The following TMPRSS11F variants were observed in gnomAD, a reference collection of about 807,000 sequenced individuals.
The protein encoded by TMPRSS11F is transmembrane serine protease 11F.
In TMPRSS11F, 47 loss-of-function variants were observed where a neutral mutation model predicts 60.2. The observed-to-expected ratio is 0.78, with a 90% CI of 0.62 to 1.00. The LOEUF (loss-of-function observed/expected upper bound fraction) is 1.00. Among genes scored for constraint, TMPRSS11F ranks in the 50% least tolerant of loss-of-function variants. The pLI is 0.00. For missense variants in TMPRSS11F, 519 were observed against 522.9 expected (o/e 0.99, Z 0.07); for synonymous variants, 166 against 167.3 (o/e 0.99, Z 0.06).
In TMPRSS11F at chr4:68,073,939, T is replaced by C. The variant is rs764868266; in HGVS notation, c.350+3A>G. 2 of 1,559,994 alleles carry C rather than the reference T, an allele frequency of 1.3e-6. No individual in the cohort carries two copies. The highest frequency in any genetic ancestry group is 1.2e-5 in the South Asian group (1 of 83,398). On this transcript the variant is annotated splice_donor_region_variant and intron_variant, in intron 4 of 9. Transcript: ENST00000356291. Reference sequence around the variant, plus strand: ...CTTGAAATTATAAACCAAATTTACATACCTTAATTTGATAACATGAGATTT... The same window carrying C: ...CTTGAAATTATAAACCAAATTTACACACCTTAATTTGATAACATGAGATTT...
At chr4:68,098,361 T>C (rs1380430512) in intron 2 of TMPRSS11F, among the ~76,000 whole-genome samples, 1 of 152,128 alleles carries the variant, frequency 6.6e-6, no homozygotes, top group East Asian at 1.9e-4. Flanking sequence ...TCTTAGTTGA[T>C]TGTCATTTGG....
At chr4:68,080,632 G>C (rs2109854528) in intron 3 of TMPRSS11F, 1 of 152,314 alleles carries the variant, frequency 6.6e-6, no homozygotes, top group Non-Finnish European at 1.5e-5. Context: ...CTAAGCTCCA[G>C]ATCTCCCAGA....
At chr4:68,060,915 A>G (rs1262388051) in intron 8 of TMPRSS11F, among the ~76,000 whole-genome samples, 1 of 151,984 alleles carries the variant, frequency 6.6e-6, no homozygotes, top group East Asian at 1.9e-4. Flanking sequence ...AACAAGTTCT[A>G]GTTTATAATA....
chr4:68,126,788 C>T (rs1383320912), intron 1 of TMPRSS11F, among the ~76,000 whole-genome samples: 2 of 152,170 alleles, frequency 1.3e-5, no homozygotes, highest in African/African-American at 4.8e-5. Context: ...CAATGTGTTA[C>T]ATATGTTTGA....
intron 1 of TMPRSS11F, among the ~76,000 whole-genome samples, chr4:68,117,313 G>T (rs1342152906): frequency 2.0e-5 from 3 of 151,282 alleles, no homozygotes; most frequent in African/African-American, 7.3e-5. Flanking sequence ...TAAAAATACA[G>T]AAAATTAGCT....
At chr4:68,112,704 T>C (rs537242386) in intron 1 of TMPRSS11F, among the ~76,000 whole-genome samples, 2 of 152,286 alleles carry the variant, frequency 1.3e-5, no homozygotes, top group Admixed American at 6.5e-5. Context: ...ATTTTGCTCA[T>C]TGCCGTAACT....
chr4:68,099,116 A>C, intron 1 of TMPRSS11F, 78 bp from the exon 2 acceptor site: 2 of 1,295,798 alleles, frequency 1.5e-6, no homozygotes, highest in African/African-American at 1.5e-5. Flanking sequence ...ATGTTCCTCT[A>C]TGAAAATAGT....
chr4:68,066,077 C>G (rs548961386), intron 7 of TMPRSS11F, among the ~76,000 whole-genome samples: 1 of 137,534 alleles, frequency 7.3e-6, no homozygotes, highest in East Asian at 2.3e-4. Context: ...CAAGATCACA[C>G]CATTGAACTC....
In TMPRSS11F at chr4:68,087,665, T is replaced by C. The variant is rs139715226; in HGVS notation, c.282+2858A>G. Among the ~76,000 whole-genome samples the C allele has an allele frequency of 2.5e-4, 38 of 151,988 alleles. No individual in the cohort carries two copies. In the East Asian group the frequency reaches 6.0e-3, roughly 24 times the overall value. The stretch of plus-strand genomic sequence containing the variant: ...GATAAACTTCATTAAAGTTTCAGGA[T>C]ACAAAAAATCAACATAAAACAATTA... On this transcript the variant is annotated intron_variant, in intron 3 of 9. Coordinates refer to ENST00000356291, the MANE Select transcript of TMPRSS11F (RefSeq NM_207407.2).
intron 3 of TMPRSS11F, among the ~76,000 whole-genome samples, 177 bp downstream of exon 3, chr4:68,090,346 T>C: frequency 6.6e-6 from 1 of 152,130 alleles, no homozygotes; most frequent in East Asian, 1.9e-4. Flanking sequence ...GTGCACACAG[T>C]ATACTGAATA....
intron 2 of TMPRSS11F, among the ~76,000 whole-genome samples, chr4:68,098,452 A>T (rs1167411375): frequency 1.3e-5 from 2 of 152,196 alleles, no homozygotes; most frequent in African/African-American, 2.4e-5. Flanking sequence ...CCACAGTCAT[A>T]AAAAAATCTG....
intron 2 of TMPRSS11F, among the ~76,000 whole-genome samples, chr4:68,095,708 C>T (rs1056027096): frequency 1.3e-5 from 2 of 151,966 alleles, no homozygotes; most frequent in Admixed American, 1.3e-4. Flanking sequence ...TCAGCCTCAC[C>T]AACATGGTGA....
chr4:68,101,576 T>C lies in TMPRSS11F; in HGVS notation c.12-2538A>G, dbSNP rs545784829. ...TTGAAAAAGATTATTTAGATGACAT[T>C]TAAATTCCCTAATGCCTTTAAAATT... On this transcript the variant is annotated intron_variant, in intron 1 of 9. Transcript: ENST00000356291. Among the ~76,000 whole-genome samples, 7 of 152,284 alleles carry C rather than the reference T, an allele frequency of 4.6e-5. No homozygotes were observed. The South Asian group carries it at 1.4e-3, about 32-fold the overall frequency.
intron 1 of TMPRSS11F, among the ~76,000 whole-genome samples, chr4:68,126,046 T>TTGATAAGTA (rs1202298761): frequency 6.6e-6 from 1 of 152,180 alleles, no homozygotes; most frequent in African/African-American, 2.4e-5. Flanking sequence ...AATGTTTACT[T>TTGATAAGTA]CATACTTATC....
intron 1 of TMPRSS11F, among the ~76,000 whole-genome samples, chr4:68,107,727 A>G (rs1411336557): frequency 6.6e-6 from 1 of 152,164 alleles, no homozygotes; most frequent in African/African-American, 2.4e-5. Context: ...TCACGAGGTC[A>G]AGAGATCAAG....
chr4:68,107,301 A>G (rs895348153), intron 1 of TMPRSS11F, among the ~76,000 whole-genome samples: 12 of 152,160 alleles, frequency 7.9e-5, no homozygotes, highest in African/African-American at 1.2e-4. Context: ...ATGTGTCCCA[A>G]TGGAAAAGAT....
intron 1 of TMPRSS11F, among the ~76,000 whole-genome samples, chr4:68,127,039 T>TA (rs1724725494): frequency 6.6e-6 from 1 of 152,218 alleles, no homozygotes; most frequent in African/African-American, 2.4e-5. Flanking sequence ...CCAATGGTTC[T>TA]AAATTGCATT....
At chr4:68,099,144 A>G in intron 1 of TMPRSS11F, 106 bp from the exon 2 acceptor site, 1 of 951,366 alleles carries the variant, frequency 1.1e-6, no homozygotes, top group Non-Finnish European at 1.5e-6. Context: ...GCTAAATAAC[A>G]GTGAGCAACT....
At chr4:68,056,706 C>CA (rs34805853) in intron 9 of TMPRSS11F, among the ~76,000 whole-genome samples, 32,057 of 150,400 alleles carry the variant, frequency 0.21, 3,821 homozygotes, top group Admixed American at 0.36. Flanking sequence ...CATATAGAAG[C>CA]AAAAAAAAAC....
Sources: allele counts gnomAD v4.1 joint callset (sites outside exome capture counted in the v4.1 genomes callset), GRCh38; gene constraint gnomAD v4.1.1; transcripts MANE v1.5; gene names NCBI Gene and HGNC (gene_info 2026-07-23, HGNC 2026-07-21).